The following ZC4H2 variants were observed in gnomAD, a reference collection of about 807,000 sequenced individuals.
ZC4H2 encodes zinc finger C4H2-type containing.
For missense variants in ZC4H2, 137 were observed against 173.9 expected (o/e 0.79, Z 1.19); for synonymous variants, 84 against 66.3 (o/e 1.27, Z -1.30).
At chrX:64,952,342 T>G (rs1315619017) in intron 1 of ZC4H2, among the ~76,000 whole-genome samples, 34 of 109,618 alleles carry the variant, frequency 3.1e-4, no homozygotes, top group East Asian at 2.9e-3. Context: ...GTGAAGAAAG[T>G]CATTGGTAGC....
intron 1 of ZC4H2, among the ~76,000 whole-genome samples, chrX:64,994,343 C>T (rs1932368041): frequency 8.9e-6 from 1 of 111,814 alleles, no homozygotes; most frequent in Non-Finnish European, 1.9e-5. Flanking sequence ...GGGTCAAAGC[C>T]AGGCAATCTG....
At chrX:64,987,094 A>AT (rs1433419457) in intron 1 of ZC4H2, among the ~76,000 whole-genome samples, 10 of 107,667 alleles carry the variant, frequency 9.3e-5, no homozygotes, top group Non-Finnish European at 1.7e-4. Context: ...AGCCCGGCTA[A>AT]TTTTTTTGTA....
chrX:64,973,861 T>C (rs967221378), intron 1 of ZC4H2, among the ~76,000 whole-genome samples: 1 of 111,618 alleles, frequency 9.0e-6, no homozygotes, highest in African/African-American at 3.3e-5. Flanking sequence ...TTTTTTCCTT[T>C]GTAGCTTTTG....
At chrX:65,010,991 T>C (rs1932750880) in intron 1 of ZC4H2, among the ~76,000 whole-genome samples, 1 of 112,147 alleles carries the variant, frequency 8.9e-6, no homozygotes, top group African/African-American at 3.2e-5. Flanking sequence ...AATTAGTTTT[T>C]TCAGCTTAAT....
chrX:64,987,756 T>A, intron 1 of ZC4H2, among the ~76,000 whole-genome samples: 1 of 109,268 alleles, frequency 9.2e-6, no homozygotes, highest in South Asian at 4.1e-4. Context: ...TATTATACTT[T>A]AAGTTTTAGG....
At chrX:64,977,494 AAATT>A (rs1931984944), upstream of ZC4H2, among the ~76,000 whole-genome samples, 1 of 112,092 alleles carries the variant, frequency 8.9e-6, no homozygotes, top group Non-Finnish European at 1.9e-5. Flanking sequence ...ATAAACTTTT[AAATT>A]AATTAATTTA....
intron 1 of ZC4H2, among the ~76,000 whole-genome samples, chrX:64,970,684 G>A (rs1304079684): frequency 8.9e-6 from 1 of 111,936 alleles, no homozygotes; most frequent in Non-Finnish European, 1.9e-5. Context: ...GAGAAGACGA[G>A]GCATTTCATA....
intron 1 of ZC4H2, among the ~76,000 whole-genome samples, chrX:64,959,958 T>G (rs1240462160): frequency 9.0e-6 from 1 of 111,215 alleles, no homozygotes; most frequent in Non-Finnish European, 1.9e-5. Context: ...CTAGTCAAGA[T>G]AGAGTAACAG....
intron 1 of ZC4H2, among the ~76,000 whole-genome samples, chrX:65,001,735 G>T (rs758329864): frequency 1.6e-4 from 18 of 111,800 alleles, no homozygotes; most frequent in Non-Finnish European, 3.0e-4. Flanking sequence ...TCAAAATAAA[G>T]AGATGGAGGA....
intron 1 of ZC4H2, among the ~76,000 whole-genome samples, chrX:64,958,817 T>A (rs1221119101): frequency 9.0e-6 from 1 of 111,570 alleles, no homozygotes; most frequent in Non-Finnish European, 1.9e-5. Context: ...TTCAGAAAGA[T>A]GGAGAATTAA....
chrX:64,970,527 A>G (rs1931746021), intron 1 of ZC4H2, among the ~76,000 whole-genome samples: 1 of 109,733 alleles, frequency 9.1e-6, no homozygotes, highest in Non-Finnish European at 1.9e-5. Flanking sequence ...GGGGGAAGGA[A>G]GGAAGGAAGG....
intron 1 of ZC4H2, among the ~76,000 whole-genome samples, chrX:64,990,470 G>A (rs1212889338): frequency 9.0e-6 from 1 of 111,722 alleles, no homozygotes; most frequent in Non-Finnish European, 1.9e-5. Context: ...TATCTTCTCT[G>A]TGGTATTGTA....
intron 1 of ZC4H2, among the ~76,000 whole-genome samples, chrX:64,925,191 G>A (rs570564268): frequency 1.8e-5 from 2 of 111,467 alleles, no homozygotes; most frequent in South Asian, 7.5e-4. Flanking sequence ...CAGCAAATAG[G>A]GTTTGTGTGT....
At chrX:64,945,438 C>G (rs1245234374) in intron 1 of ZC4H2, among the ~76,000 whole-genome samples, 1 of 111,545 alleles carries the variant, frequency 9.0e-6, no homozygotes. Context: ...TTGCCACCTA[C>G]TCCTTCCTCT....
At position 64,948,939 on chromosome X, in the gene ZC4H2, T is replaced by C. The variant is rs764951108; in HGVS notation, c.54-26951A>G. Among the ~76,000 whole-genome samples the C allele has an allele frequency of 2.7e-5, 3 of 112,205 alleles. No homozygotes were observed. In the East Asian group the frequency reaches 8.3e-4, roughly 31 times the overall value. ...TTAATATTGTAAAACAAATTTTGTC[T>C]GTAAACATATTGACTAAATTTAAAG... On this transcript the variant is annotated intron_variant, in intron 1 of 4. Transcript: ENST00000374839.
At chrX:64,926,478 C>A (rs1395403007) in intron 1 of ZC4H2, among the ~76,000 whole-genome samples, 1 of 111,779 alleles carries the variant, frequency 8.9e-6, no homozygotes, top group Non-Finnish European at 1.9e-5. Context: ...CCAACTGTTC[C>A]AGAGTGTATC....
At chrX:64,934,170 G>T (rs766074332) in intron 1 of ZC4H2, among the ~76,000 whole-genome samples, 24 of 112,226 alleles carry the variant, frequency 2.1e-4, no homozygotes, top group Admixed American at 4.7e-4. Context: ...TTACCTTGTT[G>T]TGGTCCCTTC....
At chrX:65,020,577 A>G (rs1052632659) in intron 1 of ZC4H2, among the ~76,000 whole-genome samples, 3 of 112,244 alleles carry the variant, frequency 2.7e-5, no homozygotes, top group Non-Finnish European at 5.6e-5. Context: ...AGCCACTGCA[A>G]AAACACACCA....
chrX:64,992,783 C>T (rs1292808328), intron 1 of ZC4H2, among the ~76,000 whole-genome samples: 1 of 111,552 alleles, frequency 9.0e-6, no homozygotes, highest in Non-Finnish European at 1.9e-5. Context: ...ATTCTCCAAC[C>T]TGCTTTTACC....
Sources: gnomAD v4.1 joint callset for allele counts (sites outside exome capture counted in the v4.1 genomes callset) on GRCh38, gnomAD v4.1.1 for gene constraint, MANE v1.5 for transcripts, NCBI Gene and HGNC (gene_info 2026-07-23, HGNC 2026-07-21) for gene names.